NSD1: variants seen among roughly 807,000 people sequenced by gnomAD.
NSD1 encodes histone-lysine N-methyltransferase, H3 lysine-36 specific.
Under a neutral mutation model 242.7 loss-of-function variants are expected in NSD1, and 26 were observed. The ratio of observed to expected loss-of-function variants is 0.11; its 90% confidence interval spans 0.08 to 0.15. The LOEUF (loss-of-function observed/expected upper bound fraction) is 0.15. Ranked by LOEUF, NSD1 falls within the 10% of genes least tolerant of loss-of-function variation. NSD1 has a pLI of 1.00. For synonymous variants in NSD1, 1,106 were observed against 1,178.1 expected, an observed-to-expected ratio of 0.94 and a Z score of 1.25; for missense variants, 2,495 against 3,272.8, an observed-to-expected ratio of 0.76 and a Z score of 5.80.
chr5:177,277,433 C>T (rs1758489346), intron 17 of NSD1, among the ~76,000 whole-genome samples: 1 of 152,094 alleles, frequency 6.6e-6, no homozygotes, highest in Non-Finnish European at 1.5e-5. Context: ...ATGTGGAGAT[C>T]TATGGCCTGC....
At chr5:177,181,997 A>G (rs965427143) in intron 2 of NSD1, among the ~76,000 whole-genome samples, 2 of 151,946 alleles carry the variant, frequency 1.3e-5, no homozygotes, top group African/African-American at 4.8e-5. Flanking sequence ...CTAAAAATAC[A>G]AAAAATTAGC....
intron 2 of NSD1, among the ~76,000 whole-genome samples, chr5:177,143,005 C>G (rs553334304): frequency 2.0e-5 from 3 of 152,252 alleles, no homozygotes; most frequent in African/African-American, 7.2e-5. Context: ...TGGTCTGATT[C>G]ATCTTTGCAT....
At chr5:177,285,563 CAAAA>C (rs772293606) in intron 20 of NSD1, among the ~76,000 whole-genome samples, 2 of 81,936 alleles carry the variant, frequency 2.4e-5, no homozygotes, top group Non-Finnish European at 4.4e-5. Context: ...GATTCCATCT[CAAAA>C]AAAAAAAAAA....
Position 177,288,618 on chromosome 5 carries a change from T to C in NSD1, c.6152-201T>C, listed in dbSNP as rs572874146. The C allele has an allele frequency of 2.6e-4, 138 of 534,210 alleles. 1 individual carries two copies. Among genetic ancestry groups the C allele is most frequent in the Middle Eastern group, 2.0e-3 (4 of 1,976 alleles). 33.1% of individuals were successfully genotyped at this position (534,210 alleles called of 1,614,324 possible). A position where few individuals can be genotyped will look rare whatever the true frequency, so the allele number is the denominator to read the frequency against. On this transcript the variant is annotated intron_variant, in intron 20 of 22. Coordinates refer to ENST00000439151, the MANE Select transcript of NSD1 (RefSeq NM_022455.5). ...AAGAGTTATCTTAAATATTACTTGT[T>C]AAGCCATTTAAGTTTTCTCTGTTAA... is the stretch of plus-strand genomic sequence containing the variant.
intron 11 of NSD1, among the ~76,000 whole-genome samples, chr5:177,249,005 C>T (rs1286383074): frequency 2.0e-5 from 3 of 152,162 alleles, no homozygotes; most frequent in Non-Finnish European, 4.4e-5. Context: ...CTCCGTTGGA[C>T]TTGGTTGGTT....
intron 5 of NSD1, among the ~76,000 whole-genome samples, chr5:177,220,057 A>G (rs1353022518): frequency 6.6e-6 from 1 of 151,920 alleles, no homozygotes; most frequent in Non-Finnish European, 1.5e-5. Context: ...GGTGTTTTAT[A>G]TATGTTTGTT....
In NSD1 at chr5:177,248,187, C is replaced by G. The variant is rs1341171985; in HGVS notation, c.4504C>G (p.Leu1502Val). The change falls in exon 11 of 23, where the codon CTA becomes GTA. Residue 1502 changes from leucine (L) to valine (V), a missense_variant. Leu to Val is a conservative substitution (Grantham distance 32). Around this residue, in one of 19 missense-constraint regions of NSD1, gnomAD observed 97 missense variants for 97.7 expected, o/e 0.99. Transcript: ENST00000439151. Reference sequence around the variant, plus strand: ...ATTATTTTTTCTTTGCAAGGGAGAACTAATGCCTCACAGGACGGCCACAAG... The same window carrying G: ...ATTATTTTTTCTTTGCAAGGGAGAAGTAATGCCTCACAGGACGGCCACAAG... ...SKEIPGSEGELMPHRTATSPK... is the reference protein window; with the variant it reads ...SKEIPGSEGEVMPHRTATSPK... 4 of 1,614,070 alleles carry G rather than the reference C, an allele frequency of 2.5e-6. No homozygotes were observed. Among genetic ancestry groups the G allele is most frequent in the Non-Finnish European group, 3.4e-6 (4 of 1,180,010 alleles).
chr5:177,276,184 A>G (rs1012370121), intron 17 of NSD1, among the ~76,000 whole-genome samples: 13 of 149,664 alleles, frequency 8.7e-5, no homozygotes, highest in African/African-American at 2.5e-4. Context: ...ACCCACCTCA[A>G]CCTCCCAAAG....
At chr5:177,275,049 C>T (rs548275452) in intron 17 of NSD1, among the ~76,000 whole-genome samples, 11 of 151,168 alleles carry the variant, frequency 7.3e-5, no homozygotes, top group Admixed American at 4.0e-4. Context: ...TTTCCAAAGA[C>T]TGATAATCTG....
chr5:177,175,414 C>T (rs1422277262), intron 2 of NSD1, among the ~76,000 whole-genome samples: 2 of 151,992 alleles, frequency 1.3e-5, no homozygotes, highest in Admixed American at 1.3e-4. Flanking sequence ...TCGCTTGAAC[C>T]CTTGAGTTTG....
chr5:177,156,389 C>G (rs1346074461), intron 2 of NSD1, among the ~76,000 whole-genome samples: 1 of 152,052 alleles, frequency 6.6e-6, no homozygotes, highest in African/African-American at 2.4e-5. Flanking sequence ...CCATGTTGGC[C>G]AGGATGGTCT....
At chr5:177,259,625 C>T (rs937570563) in intron 13 of NSD1, among the ~76,000 whole-genome samples, 4 of 152,096 alleles carry the variant, frequency 2.6e-5, no homozygotes, top group African/African-American at 4.8e-5. Flanking sequence ...TAGAGAGGTT[C>T]GTTCACTTGA....
chr5:177,155,618 A>G (rs1758066684), intron 2 of NSD1, among the ~76,000 whole-genome samples: 1 of 145,472 alleles, frequency 6.9e-6, no homozygotes, highest in African/African-American at 2.6e-5. Context: ...GAATGTATAG[A>G]TATTTCCTGT....
At chr5:177,251,561 A>G (rs146672980) in intron 11 of NSD1, among the ~76,000 whole-genome samples, 169 bp from the exon 12 acceptor site, 16 of 152,302 alleles carry the variant, frequency 1.1e-4, no homozygotes, top group African/African-American at 2.6e-4. Flanking sequence ...AAGCTCTCCA[A>G]TGGTACACCT....
rs1312164438 is a variant in NSD1, at chr5:177,296,030, C to T, written c.*571C>T. On this transcript the variant is annotated 3_prime_UTR_variant, in exon 23 of 23. Transcript: ENST00000439151. ...GAAGTAACAGGAAGTTCTGAGGGGC[C>T]CTGGGGCTTTAGACTCATTTTGAAA... 3.8e-6 allele frequency: 1 copy of T among 262,874 alleles called. No individual in the cohort carries two copies. The highest frequency in any genetic ancestry group is 7.4e-6 in the Non-Finnish European group (1 of 134,910). The allele number at this position is 262,874 out of a possible 1,614,324, so 16.3% of individuals were successfully genotyped here.
At position 177,294,979 on chromosome 5, in the gene NSD1, A is replaced by T. The variant is rs377546578; in HGVS notation, c.7611A>T (p.Arg2537Ser). The T allele has an allele frequency of 4.8e-5, 77 of 1,614,148 alleles. No homozygotes were observed. Among genetic ancestry groups the T allele is most frequent in the Non-Finnish European group, 6.1e-5 (72 of 1,180,054 alleles). The change falls in exon 23 of 23, where the codon AGA (arginine) becomes AGT (serine). Residue 2537 changes from arginine to serine, a missense_variant. Arg to Ser is a moderately radical substitution (Grantham distance 110). This residue lies in a region of NSD1 where 475 missense variants were observed against 563.7 expected (regional missense o/e 0.84). Coordinates refer to ENST00000439151, the MANE Select transcript of NSD1 (RefSeq NM_022455.5). ...CTGTTAAATCACTCACCCAGGCCAG[A>T]CTTCTTTCTCAGCCTCCTGCCAAGG... ...WQAVKSLTQA[R>S]LLSQPPAKAF...
intron 11 of NSD1, among the ~76,000 whole-genome samples, chr5:177,248,648 T>C (rs1766488841): frequency 6.6e-6 from 1 of 152,220 alleles, no homozygotes; most frequent in Non-Finnish European, 1.5e-5. Flanking sequence ...GTCACAATCT[T>C]TGGGTTTGTA....
rs149892052 is a variant in NSD1 at position 177,249,822 on chromosome 5, C to T, written c.4641+1498C>T. ...TTTTAAATTGAAACCATAGGCCAAG[C>T]ACAGCACTAATCTCAGCACTTTGTG... is the stretch of plus-strand genomic sequence containing the variant. On this transcript the variant is annotated intron_variant, in intron 11 of 22. Coordinates refer to ENST00000439151, the MANE Select transcript of NSD1 (RefSeq NM_022455.5). 1.2e-3 allele frequency among the ~76,000 whole-genome samples: 190 copies of T among 152,278 alleles called. 2 individuals are homozygous for T. The Middle Eastern group carries it at 0.017, about 14-fold the overall frequency.
intron 14 of NSD1, chr5:177,266,726 C>A (rs1192731372): frequency 7.5e-6 from 2 of 267,764 alleles, no homozygotes; most frequent in Non-Finnish European, 1.4e-5. Flanking sequence ...CTCCCCACTT[C>A]AGGGTAAAAC....
Sources: allele counts gnomAD v4.1 joint callset (sites outside exome capture counted in the v4.1 genomes callset), GRCh38; gene constraint gnomAD v4.1.1; regional missense constraint gnomAD v4.1.1; transcripts MANE v1.5; gene names NCBI Gene and HGNC (gene_info 2026-07-23, HGNC 2026-07-21).